Variants in RUVBL1 observed in about 807,000 individuals in gnomAD.
RUVBL1 encodes ruvB-like 1.
In RUVBL1, 4 loss-of-function variants were observed where a neutral mutation model predicts 52.4. That is an observed-to-expected ratio of 0.08 (90% confidence interval 0.04 to 0.17). RUVBL1 has a LOEUF of 0.17. Ranked by LOEUF, RUVBL1 falls within the 10% of genes least tolerant of loss-of-function variation. The pLI, the probability that RUVBL1 is intolerant of heterozygous loss-of-function variation, is 1.00. For synonymous variants in RUVBL1, 217 were observed against 214.4 expected (o/e 1.01, Z -0.10); for missense variants, 298 against 572.8 (o/e 0.52, Z 4.90).
At chr3:128,108,817 G>T (rs1943307854) in intron 3 of RUVBL1, among the ~76,000 whole-genome samples, 1 of 151,836 alleles carries the variant, frequency 6.6e-6, no homozygotes, top group African/African-American at 2.4e-5. Flanking sequence ...ATACTCAGAA[G>T]ATTTTAAACC....
chr3:128,068,375 C>A (rs533424592), intron 9 of RUVBL1, among the ~76,000 whole-genome samples: 43 of 152,312 alleles, frequency 2.8e-4, no homozygotes, highest in African/African-American at 1.0e-3. Context: ...GGGACCCTCA[C>A]CCTGGCTCAT....
chr3:128,128,757 A>G (rs1327322377), upstream of RUVBL1, among the ~76,000 whole-genome samples: 1 of 152,202 alleles, frequency 6.6e-6, no homozygotes, highest in African/African-American at 2.4e-5. Context: ...AGGAGAAGAT[A>G]GATTGGGAAA....
chr3:128,073,700 C>G (rs1392194074), intron 9 of RUVBL1, among the ~76,000 whole-genome samples: 1 of 152,194 alleles, frequency 6.6e-6, no homozygotes, highest in Non-Finnish European at 1.5e-5. Context: ...GAAGGTGCCT[C>G]TCCTCTTAAA....
chr3:128,149,932 T>C (rs1401305867), intron 1 of RUVBL1, among the ~76,000 whole-genome samples: 1 of 152,220 alleles, frequency 6.6e-6, no homozygotes, highest in African/African-American at 2.4e-5. Context: ...GAAAGACATT[T>C]TCAGGATATG....
chr3:128,093,439 C>T (rs980121061), intron 8 of RUVBL1, among the ~76,000 whole-genome samples: 3 of 144,198 alleles, frequency 2.1e-5, no homozygotes, highest in African/African-American at 8.5e-5. Context: ...TGTGAATACA[C>T]TAGAAATCAC....
chr3:128,080,989 A>T lies in RUVBL1; in HGVS notation c.*261T>A. 1 of 402,512 alleles carries T rather than the reference A, an allele frequency of 2.5e-6. No individual in the cohort carries two copies. The allele number at this position is 402,512 out of a possible 1,614,324, so 24.9% of individuals were successfully genotyped here. On this transcript the variant is annotated 3_prime_UTR_variant, in exon 11 of 11. Coordinates refer to ENST00000322623, the MANE Select transcript of RUVBL1 (RefSeq NM_003707.3). ...GTTCTGAAAAGTTTATTTTTAAAAAACTTAGAGAGAGAGAGAGAGAGAATC... is the reference window on the plus strand; with the variant it reads ...GTTCTGAAAAGTTTATTTTTAAAAATCTTAGAGAGAGAGAGAGAGAGAATC...
At chr3:128,110,581 C>T (rs939179623) in intron 3 of RUVBL1, among the ~76,000 whole-genome samples, 3 of 152,106 alleles carry the variant, frequency 2.0e-5, no homozygotes, top group Admixed American at 6.5e-5. Flanking sequence ...AATCGTGGCA[C>T]TGAGGAAGTG....
chr3:128,096,643 G>A (rs1005231144), intron 8 of RUVBL1, among the ~76,000 whole-genome samples: 3 of 152,064 alleles, frequency 2.0e-5, no homozygotes, highest in Non-Finnish European at 4.4e-5. Context: ...TGGCTAACAC[G>A]GTGAAACCCT....
At position 128,123,669 on chromosome 3, in the gene RUVBL1, C is replaced by G. The variant is rs1943713665; in HGVS notation, c.56G>C (p.Ser19Thr). 6.2e-7 allele frequency: 1 copy of G among 1,612,080 alleles called. No homozygotes were observed. The highest frequency in any genetic ancestry group is 8.5e-7 in the Non-Finnish European group (1 of 1,179,314). ...TTKTQRIASH[S>T]HVKGLGLDES... ...GTCCAGCCCCAGCCCTTTCACGTGG[C>G]TGTGGGAGGCGATGCGCTGCGTCTT... Residue 19 changes from serine to threonine, a missense_variant, in exon 1 of 11, where the codon AGC becomes ACC. This residue lies in a region of RUVBL1 where 71 missense variants were observed against 125.7 expected (regional missense o/e 0.57). Transcript: ENST00000322623.
intron 8 of RUVBL1, among the ~76,000 whole-genome samples, chr3:128,091,784 T>A (rs920098027): frequency 6.6e-6 from 1 of 152,192 alleles, no homozygotes; most frequent in Non-Finnish European, 1.5e-5. Flanking sequence ...CTCTACCCAC[T>A]AGATGCCAGC....
intron 9 of RUVBL1, among the ~76,000 whole-genome samples, chr3:128,073,126 A>G (rs535319025): frequency 6.6e-6 from 1 of 152,056 alleles, no homozygotes; most frequent in South Asian, 2.1e-4. Flanking sequence ...CTCACTTCCT[A>G]CTCCAAGTCC....
At chr3:128,111,324 A>G (rs759182156) in intron 3 of RUVBL1, among the ~76,000 whole-genome samples, 59 of 152,020 alleles carry the variant, frequency 3.9e-4, no homozygotes, top group Non-Finnish European at 8.2e-4. Flanking sequence ...TGTGCCAGGA[A>G]CTGTGTCTAC....
At chr3:128,149,201 T>TTTG (rs1944148440) in intron 1 of RUVBL1, among the ~76,000 whole-genome samples, 2 of 151,384 alleles carry the variant, frequency 1.3e-5, no homozygotes, top group Admixed American at 6.6e-5. Context: ...TTTTTTTTTT[T>TTTG]TTTGACAGAG....
In RUVBL1 at chr3:128,067,879, T is replaced by C; in HGVS notation, c.940-2659A>G. 1 of 894,616 alleles carries C rather than the reference T, an allele frequency of 1.1e-6. No homozygotes were observed. Among genetic ancestry groups the C allele is most frequent in the South Asian group, 1.4e-5 (1 of 73,492 alleles). 55.4% of individuals were successfully genotyped at this position (894,616 alleles called of 1,614,324 possible). On this transcript the variant is annotated intron_variant, in intron 9 of 9. Transcript: ENST00000464873. This position sits in a 1 kb window ranked among gnomAD's most constrained non-coding sequence, Gnocchi z 4.1. Reference sequence around the variant, plus strand: ...GTTTTAAAGTTCTCTGTATGAATATTGTCAGTGCTCGAAGAGGCGATCTGT... The same window carrying C: ...GTTTTAAAGTTCTCTGTATGAATATCGTCAGTGCTCGAAGAGGCGATCTGT...
intron 8 of RUVBL1, among the ~76,000 whole-genome samples, chr3:128,089,103 T>C (rs1559809837): frequency 6.6e-6 from 1 of 152,254 alleles, no homozygotes; most frequent in Non-Finnish European, 1.5e-5. Context: ...GGTAACACCT[T>C]AAGTTTGCAT....
chr3:128,094,361 G>A (rs1008014782), intron 8 of RUVBL1, among the ~76,000 whole-genome samples: 5 of 152,168 alleles, frequency 3.3e-5, no homozygotes, highest in Non-Finnish European at 7.4e-5. Flanking sequence ...AAGCCGAGAG[G>A]GAGCGTACAC....
intron 1 of RUVBL1, among the ~76,000 whole-genome samples, chr3:128,148,751 G>C (rs530711682): frequency 6.6e-6 from 1 of 152,272 alleles, no homozygotes; most frequent in Admixed American, 6.5e-5. Flanking sequence ...CATATATATA[G>C]AGAGTGCATT....
intron 1 of RUVBL1, among the ~76,000 whole-genome samples, chr3:128,133,834 G>C (rs1943913889): frequency 1.3e-5 from 2 of 152,214 alleles, no homozygotes; most frequent in South Asian, 2.1e-4. Flanking sequence ...ACTCTTCAAT[G>C]CCCAGATATT....
chr3:128,132,857 A>G (rs1191188866), intron 1 of RUVBL1, among the ~76,000 whole-genome samples: 1 of 152,124 alleles, frequency 6.6e-6, no homozygotes, highest in Non-Finnish European at 1.5e-5. Flanking sequence ...CTGTTTGAAG[A>G]AAGGAAAGAA....
Sources: gnomAD v4.1 joint callset for allele counts (sites outside exome capture counted in the v4.1 genomes callset) on GRCh38, gnomAD v4.1.1 for gene constraint, gnomAD v4.1.1 regional missense constraint, Gnocchi (gnomAD v3.1) non-coding constraint, MANE v1.5 for transcripts, NCBI Gene and HGNC (gene_info 2026-07-23, HGNC 2026-07-21) for gene names.